KIF13B: variants seen among roughly 807,000 people sequenced by gnomAD.
The protein encoded by KIF13B is kinesin family member 13B, also known as kinesin-like protein KIF13B.
In KIF13B, 127 loss-of-function variants were observed where a neutral mutation model predicts 222.0. The observed-to-expected ratio is 0.57, with a 90% CI of 0.50 to 0.66. The LOEUF (loss-of-function observed/expected upper bound fraction) is 0.66. KIF13B is among the 30% of genes least tolerant of loss of function. The pLI is 0.00. For missense variants in KIF13B, 2,173 were observed against 2,379.0 expected (o/e 0.91, Z 1.80); for synonymous variants, 976 against 919.0 (o/e 1.06, Z -1.12).
At chr8:29,096,787 A>C (rs1376419454) in intron 36 of KIF13B, among the ~76,000 whole-genome samples, 3 of 152,140 alleles carry the variant, frequency 2.0e-5, no homozygotes, top group African/African-American at 7.2e-5. Context: ...TAAGGATGCC[A>C]AGTAGGGTTT....
rs1810386168 is a variant in KIF13B, at chr8:29,132,427, A to T, written c.2823T>A (p.His941Gln). Residue 941 changes from histidine to glutamine, a missense_variant, in exon 23 of 40, where the codon CAT becomes CAA. His to Gln is a conservative substitution (Grantham distance 24). Around this residue, in one of 2 missense-constraint regions of KIF13B, gnomAD observed 1,480 missense variants for 1,722.8 expected, o/e 0.86. Coordinates refer to ENST00000524189, the MANE Select transcript of KIF13B (RefSeq NM_015254.4). The part of the protein sequence containing the change: ...SVNITEDFIE[H>Q]LSEGALAIEV... ...CAATTGCCAATGCTCCTTCGGAAAGATGCTCGATAAAGTCTTCGGTGATGT... is the reference window on the plus strand; with the variant it reads ...CAATTGCCAATGCTCCTTCGGAAAGTTGCTCGATAAAGTCTTCGGTGATGT... 2 of 1,574,610 alleles carry T rather than the reference A, an allele frequency of 1.3e-6. No homozygotes were observed. The highest frequency in any genetic ancestry group is 1.4e-5 in the African/African-American group (1 of 73,158).
chr8:29,148,695 C>G lies in KIF13B; in HGVS notation c.1695G>C (p.Glu565Asp). 1 of 1,612,326 alleles carries G rather than the reference C, an allele frequency of 6.2e-7. No individual in the cohort carries two copies. Among genetic ancestry groups the G allele is most frequent in the East Asian group, 2.2e-5 (1 of 44,838 alleles). The change falls in exon 16 of 40, where the codon GAG (glutamate) becomes GAC (aspartate). Residue 565 changes from glutamate (E) to aspartate (D), a missense_variant. This residue lies in a region of KIF13B where 1,480 missense variants were observed against 1,722.8 expected (regional missense o/e 0.86). Transcript: ENST00000524189. ...DEDQDPSMKN[E>D]NSSEQLDVDG... ...CTACATCCAGCTGCTCAGAACTATT[C>G]TCGTTCTTCATGGAGGGATCCTGGT...
At chr8:29,113,095 C>A (rs928006425) in intron 32 of KIF13B, among the ~76,000 whole-genome samples, 1 of 152,130 alleles carries the variant, frequency 6.6e-6, no homozygotes, top group Non-Finnish European at 1.5e-5. Flanking sequence ...GAGTAATTTA[C>A]GCAAGTTCAC....
In KIF13B at chr8:29,071,539, C is replaced by T. The variant is rs1017896546; in HGVS notation, c.5218+81G>A. The stretch of plus-strand genomic sequence containing the variant: ...GGCCCCTCCCTCTCCTGCCCGGACC[C>T]TGTCCCCTCCCAGGCCGGCCACGTT... On this transcript the variant is annotated intron_variant, in intron 39 of 39. Transcript: ENST00000524189. This position sits in a 1 kb window ranked among gnomAD's most constrained non-coding sequence, Gnocchi z 4.9. 2.3e-6 allele frequency: 3 copies of T among 1,305,808 alleles called. No individual in the cohort carries two copies. Among genetic ancestry groups the T allele is most frequent in the East Asian group, 5.0e-5 (2 of 39,688 alleles). The allele number at this position is 1,305,808 out of a possible 1,614,324, so 80.9% of individuals were successfully genotyped here.
chr8:29,122,866 C>A (rs1004115347), intron 28 of KIF13B, among the ~76,000 whole-genome samples: 3 of 152,222 alleles, frequency 2.0e-5, no homozygotes, highest in Non-Finnish European at 2.9e-5. Flanking sequence ...AAGACACTAC[C>A]TGTTTGTAGT....
chr8:29,176,089 T>C lies in KIF13B; in HGVS notation c.924A>G (p.Ser308=), dbSNP rs377450817. 1.0e-4 allele frequency: 165 copies of C among 1,611,906 alleles called. No homozygotes were observed. The East Asian group carries it at 2.6e-3, about 25-fold the overall frequency. The change falls in exon 10 of 40, where the codon TCA becomes TCG. Residue 308 remains serine, a synonymous_variant. Transcript: ENST00000524189. ...NKNKFVPYRD[S]VLTWLLKDSL... is the part of the protein sequence containing the mutation. Reference sequence around the variant, plus strand: ...TTACTTTGAGCAGCCAAGTGAGAACTGAGTCACGATATGGAACAAATTTAT... The same window carrying C: ...TTACTTTGAGCAGCCAAGTGAGAACCGAGTCACGATATGGAACAAATTTAT...
chr8:29,109,894 G>A (rs375631383), intron 33 of KIF13B, 24 bp downstream of exon 33: 35 of 1,610,508 alleles, frequency 2.2e-5, no homozygotes, highest in South Asian at 4.4e-5. Flanking sequence ...TCTGCTGCCC[G>A]CCCTATCCAT....
At chr8:29,196,148 G>A (rs1222260360) in intron 3 of KIF13B, 39 bp downstream of exon 3, 2 of 1,523,714 alleles carry the variant, frequency 1.3e-6, no homozygotes, top group East Asian at 2.4e-5. Flanking sequence ...ATGCATATAA[G>A]ATCTTTACAA....
rs1355818780 is a variant in KIF13B, at chr8:29,132,313, C to T, written c.2937G>A (p.Arg979=). The T allele has an allele frequency of 2.0e-6, 3 of 1,523,592 alleles. No homozygotes were observed. The highest frequency in any genetic ancestry group is 2.6e-6 in the Non-Finnish European group (3 of 1,135,826). 94.4% of individuals were successfully genotyped at this position (1,523,592 alleles called of 1,614,324 possible). The change falls in exon 23 of 40, where the codon CGG becomes CGA. Residue 979 remains arginine, a synonymous_variant. Transcript: ENST00000524189. ...GATGAACATCTAATATTCACCTGTC[C>T]CGAAGACTACGTGTCTTTGCTTGGA... ...GIIQAKTRSL[R]DRWSEVTRKL... is the part of the protein sequence containing the mutation.
chr8:29,197,434 T>C (rs1586913822), intron 2 of KIF13B, among the ~76,000 whole-genome samples: 1 of 151,046 alleles, frequency 6.6e-6, no homozygotes, highest in Non-Finnish European at 1.5e-5. Context: ...GTACAAAGAA[T>C]GCCCATAGAC....
rs2124418 is a variant in KIF13B, at chr8:29,213,707, G to A, written c.150-17508C>T. On this transcript the variant is annotated intron_variant, in intron 2 of 39. Transcript: ENST00000524189. ...CTCACGCCTGTAATTCTAGTACTTT[G>A]GGAGGCTGAGGCGGGTGGATCACCT... is the stretch of plus-strand genomic sequence containing the variant. 3.2e-3 allele frequency among the ~76,000 whole-genome samples: 488 copies of A among 152,254 alleles called. 7 individuals carry two copies. The highest frequency in any genetic ancestry group is 0.023 in the Admixed American group (351 of 15,290).
intron 3 of KIF13B, among the ~76,000 whole-genome samples, chr8:29,191,975 T>A (rs1408294151): frequency 6.6e-6 from 1 of 152,238 alleles, no homozygotes; most frequent in Non-Finnish European, 1.5e-5. Context: ...TGCTTCCTGA[T>A]GATGGTTTGC....
chr8:29,136,199 T>A (rs2129880508), intron 21 of KIF13B, among the ~76,000 whole-genome samples: 1 of 152,344 alleles, frequency 6.6e-6, no homozygotes, highest in African/African-American at 2.4e-5. Flanking sequence ...TCTCATTAAG[T>A]GTTTTTAAAT....
Position 29,140,596 on chromosome 8 carries a change from G to A in KIF13B, c.2356C>T (p.Arg786Cys), listed in dbSNP as rs756295667. 2.3e-5 allele frequency: 37 copies of A among 1,612,862 alleles called. No homozygotes were observed. The highest frequency in any genetic ancestry group is 3.1e-5 in the Non-Finnish European group (36 of 1,179,508). ...DNPVIRSYFK[R>C]ADPFYDEQEN... ...TGCTCATCATAGAATGGATCAGCAC[G>A]TTTGAAGTATGATCGTATTACCTGT... Residue 786 changes from arginine (R) to cysteine (C), a missense_variant, in exon 20 of 40, where the codon CGT becomes TGT. This residue lies in a region of KIF13B where 1,480 missense variants were observed against 1,722.8 expected (regional missense o/e 0.86). Transcript: ENST00000524189.
chr8:29,185,221 CCCAACTTCCCAGTGGA>C (rs1812876315), intron 6 of KIF13B, among the ~76,000 whole-genome samples: 1 of 152,166 alleles, frequency 6.6e-6, no homozygotes, highest in African/African-American at 2.4e-5. Context: ...GTAGTTCTCA[CCCAACTTCCCAGTGGA>C]CCAACTTCCC....
In KIF13B at chr8:29,127,190, G is replaced by T. The variant is rs768808287; in HGVS notation, c.3154C>A (p.Leu1052Met). The T allele has an allele frequency of 6.2e-7, 1 of 1,613,956 alleles. No homozygotes were observed. Among genetic ancestry groups the T allele is most frequent in the Admixed American group, 1.7e-5 (1 of 60,018 alleles). ...TTGACACATCCAATGCCAACAGACA[G>T]TATACATTCTTCCATCAGTGGTAAA... ...GTLPLMEECI[L>M]SVGIGCVKVR... Residue 1052 changes from leucine (L) to methionine (M), a missense_variant, in exon 25 of 40, where the codon CTG becomes ATG. Physicochemically the swap from Leu to Met is conservative, Grantham distance 15. Coordinates refer to ENST00000524189, the MANE Select transcript of KIF13B (RefSeq NM_015254.4).
At chr8:29,253,270 T>G (rs954383647) in intron 1 of KIF13B, among the ~76,000 whole-genome samples, 2 of 152,008 alleles carry the variant, frequency 1.3e-5, no homozygotes, top group African/African-American at 4.8e-5. Context: ...TTTGAGCCCA[T>G]GAGTTACAGG....
At chr8:29,160,988 G>T in intron 12 of KIF13B, 121 bp from the exon 13 acceptor site, 2 of 741,490 alleles carry the variant, frequency 2.7e-6, no homozygotes, top group Non-Finnish European at 2.1e-6. Flanking sequence ...ATTCTCTTAG[G>T]CTATGGCATT....
At chr8:29,098,796 T>C (rs1003318248) in intron 36 of KIF13B, among the ~76,000 whole-genome samples, 12 of 151,302 alleles carry the variant, frequency 7.9e-5, no homozygotes, top group African/African-American at 2.9e-4. Context: ...GCCAATGCAA[T>C]CATAACAAAA....
Sources: gnomAD v4.1 joint callset for allele counts (sites outside exome capture counted in the v4.1 genomes callset) on GRCh38, gnomAD v4.1.1 for gene constraint, gnomAD v4.1.1 regional missense constraint, Gnocchi (gnomAD v3.1) non-coding constraint, MANE v1.5 for transcripts, NCBI Gene and HGNC (gene_info 2026-07-23, HGNC 2026-07-21) for gene names.